Variants in TRIO observed in about 807,000 individuals in gnomAD.
The protein encoded by TRIO is triple functional domain protein.
Under a neutral mutation model 351.9 loss-of-function variants are expected in TRIO, and 58 were observed. That is an observed-to-expected ratio of 0.16 (90% confidence interval 0.13 to 0.21). TRIO has a LOEUF of 0.21. Among genes scored for constraint, TRIO ranks in the 10% least tolerant of loss-of-function variants. The probability of loss-of-function intolerance (pLI) is 1.00; values close to 1 mark genes in which losing one functional copy is unlikely to be tolerated. For missense variants in TRIO, 3,201 were observed against 4,027.8 expected (o/e 0.79, Z 5.56); for synonymous variants, 1,758 against 1,595.7 (o/e 1.10, Z -2.42).
intron 31 of TRIO, among the ~76,000 whole-genome samples, chr5:14,403,851 TGGTGAGGGTGCAGGTGGTG>T (rs1748449935): frequency 1.6e-5 from 2 of 123,778 alleles, no homozygotes; most frequent in African/African-American, 3.5e-5. Flanking sequence ...GTGCAGGTGG[TGGTGAGGGTGCAGGTGGTG>T]GTGAGGGTGC....
chr5:14,244,675 T>C (rs1794328742), intron 1 of TRIO, among the ~76,000 whole-genome samples: 1 of 152,212 alleles, frequency 6.6e-6, no homozygotes, highest in South Asian at 2.1e-4. Flanking sequence ...CTGCTGAGCT[T>C]ATGGGACCAT....
At chr5:14,472,276 A>C (rs1754748315) in intron 38 of TRIO, among the ~76,000 whole-genome samples, 1 of 152,228 alleles carries the variant, frequency 6.6e-6, no homozygotes, top group Non-Finnish European at 1.5e-5. Context: ...CACTTCCTTT[A>C]CTATCATGGC....
intron 46 of TRIO, among the ~76,000 whole-genome samples, chr5:14,483,613 C>A (rs1240513242): frequency 3.3e-5 from 5 of 152,196 alleles, no homozygotes; most frequent in African/African-American, 1.2e-4. Flanking sequence ...TTTGCCTAAA[C>A]CTGGGGTGGG....
intron 1 of TRIO, among the ~76,000 whole-genome samples, chr5:14,207,544 A>ACACC: frequency 6.7e-6 from 1 of 150,114 alleles, no homozygotes; most frequent in Non-Finnish European, 1.5e-5. Flanking sequence ...ACACACACAC[A>ACACC]CACACACACA....
intron 1 of TRIO, among the ~76,000 whole-genome samples, chr5:14,160,470 A>G (rs1403160502): frequency 1.3e-5 from 2 of 152,244 alleles, no homozygotes; most frequent in Admixed American, 6.5e-5. Flanking sequence ...AGTAACGTCA[A>G]CATGCCAGGT....
intron 1 of TRIO, among the ~76,000 whole-genome samples, chr5:14,206,234 G>A (rs1243685138): frequency 6.6e-6 from 1 of 151,960 alleles, no homozygotes; most frequent in Admixed American, 6.6e-5. Context: ...CTAATTTTTT[G>A]TATTTGTGGT....
rs573880952 is a variant in TRIO at position 14,455,907 on chromosome 5, T to A, written c.5204-5112T>A. Among the ~76,000 whole-genome samples the A allele has an allele frequency of 1.8e-3, 273 of 152,360 alleles. 1 individual carries two copies. Among genetic ancestry groups the A allele is most frequent in the Middle Eastern group, 3.4e-3 (1 of 294 alleles). ...ACTGCACACCTGCACTCCTCAGCCC[T>A]TGGGCAGTCGATGGGACCGGGCGCT... is the stretch of plus-strand genomic sequence containing the variant. On this transcript the variant is annotated intron_variant, in intron 34 of 56. Transcript: ENST00000344204.
intron 1 of TRIO, among the ~76,000 whole-genome samples, chr5:14,152,392 A>G (rs1787892077): frequency 6.8e-6 from 1 of 147,758 alleles, no homozygotes; most frequent in South Asian, 2.2e-4. Context: ...TTGTTTTGAG[A>G]TGGAGTCTCG....
At chr5:14,174,432 G>A (rs149487625) in intron 1 of TRIO, among the ~76,000 whole-genome samples, 1 of 152,138 alleles carries the variant, frequency 6.6e-6, no homozygotes, top group Non-Finnish European at 1.5e-5. Context: ...CCTAGGGGTC[G>A]GCTTTATGCC....
intron 1 of TRIO, among the ~76,000 whole-genome samples, chr5:14,198,844 A>G (rs1008157141): frequency 1.3e-5 from 2 of 152,278 alleles, no homozygotes; most frequent in Non-Finnish European, 2.9e-5. Context: ...GAGTTTTAAA[A>G]ATTATTCTGT....
rs764579533 is a variant in TRIO, at chr5:14,456,248, G to T, written c.5204-4771G>T. Among the ~76,000 whole-genome samples, 6 of 152,374 alleles carry T rather than the reference G, an allele frequency of 3.9e-5. No homozygotes were observed. The Middle Eastern group carries it at 0.014, about 346-fold the overall frequency. On this transcript the variant is annotated intron_variant, in intron 34 of 56. Transcript: ENST00000344204. The stretch of plus-strand genomic sequence containing the variant: ...CCGCACACAGCCCCAGTTCCCGCCT[G>T]CACCTCTCCCACCACACCTCTGTGC...
At chr5:14,504,323 GA>G in intron 54 of TRIO, 69 bp from the exon 55 acceptor site, 1 of 1,550,488 alleles carries the variant, frequency 6.4e-7, no homozygotes, top group South Asian at 1.2e-5. Context: ...GTCCATTTAG[GA>G]TAACAGAGTC....
chr5:14,214,167 A>C (rs946840635), intron 1 of TRIO, among the ~76,000 whole-genome samples: 2 of 152,326 alleles, frequency 1.3e-5, no homozygotes, highest in Non-Finnish European at 1.5e-5. Flanking sequence ...ACACAGGTGG[A>C]AACCTAGAGA....
intron 21 of TRIO, among the ~76,000 whole-genome samples, chr5:14,386,795 A>C (rs907879907): frequency 6.6e-6 from 1 of 152,236 alleles, no homozygotes; most frequent in African/African-American, 2.4e-5. Flanking sequence ...AAATAGAATA[A>C]TTTTAGAGAG....
At chr5:14,277,890 G>T (rs551886032) in intron 2 of TRIO, among the ~76,000 whole-genome samples, 1 of 152,286 alleles carries the variant, frequency 6.6e-6, no homozygotes, top group Non-Finnish European at 1.5e-5. Flanking sequence ...ATCATTAACT[G>T]CGTTATGCCA....
rs1747032016 is a variant in TRIO at position 14,390,969 on chromosome 5, A to G, written c.4197A>G (p.Glu1399=). Residue 1399 remains glutamate, a synonymous_variant, in exon 27 of 57, where the codon GAA becomes GAG. Transcript: ENST00000344204. The part of the protein sequence containing the change: ...NKPDSTQLIL[E]HAGSYFDEIQ... ...CTGATTCTACTCAGCTGATATTGGAACATGCAGGGTCCTATTTTGACGTAA... is the reference window on the plus strand; with the variant it reads ...CTGATTCTACTCAGCTGATATTGGAGCATGCAGGGTCCTATTTTGACGTAA... The G allele has an allele frequency of 6.2e-7, 1 of 1,610,834 alleles. No individual in the cohort carries two copies. Among genetic ancestry groups the G allele is most frequent in the Non-Finnish European group, 8.5e-7 (1 of 1,179,098 alleles).
intron 9 of TRIO, among the ~76,000 whole-genome samples, chr5:14,317,854 AG>A: frequency 6.6e-6 from 1 of 151,730 alleles, no homozygotes; most frequent in East Asian, 1.9e-4. Context: ...AGGCCAGGCG[AG>A]GTAGCTCACG....
intron 1 of TRIO, among the ~76,000 whole-genome samples, chr5:14,238,022 G>A (rs1461282205): frequency 1.3e-5 from 2 of 152,126 alleles, no homozygotes; most frequent in Admixed American, 1.3e-4. Flanking sequence ...TTATCCACCA[G>A]AACATGTAGG....
At chr5:14,487,094 C>T (rs950080498) in intron 47 of TRIO, among the ~76,000 whole-genome samples, 5 of 152,136 alleles carry the variant, frequency 3.3e-5, no homozygotes, top group Admixed American at 6.5e-5. Flanking sequence ...GTCTATGAAA[C>T]CGCCTCCACG....
Sources: allele counts gnomAD v4.1 joint callset (sites outside exome capture counted in the v4.1 genomes callset), GRCh38; gene constraint gnomAD v4.1.1; transcripts MANE v1.5; gene names NCBI Gene and HGNC (gene_info 2026-07-23, HGNC 2026-07-21).